Variants in DMRTC1B observed in about 807,000 individuals in gnomAD.
DMRTC1B encodes DMRT like family C1B.
intron 1 of DMRTC1B, among the ~76,000 whole-genome samples, chrX:72,840,380 CA>C (rs1209849921): frequency 4.7e-5 from 3 of 63,389 alleles, no homozygotes; most frequent in Admixed American, 4.4e-4. Flanking sequence ...GTACCATACA[CA>C]AAAAAATTAA....
chrX:72,807,469 A>G (rs1159823028), intron 1 of DMRTC1B: 1 of 444,333 alleles, frequency 2.3e-6, no homozygotes, highest in Non-Finnish European at 3.5e-6. Context: ...GGTGACCGGG[A>G]CACTGGGGCG....
chrX:72,807,263 G>A (rs2054661428), intron 1 of DMRTC1B, among the ~76,000 whole-genome samples: 1 of 85,697 alleles, frequency 1.2e-5, no homozygotes, highest in Admixed American at 1.2e-4. Flanking sequence ...ATCGCCACCA[G>A]GACCTAGTAA....
In DMRTC1B at chrX:72,820,531, T is replaced by TTTG. The variant is rs1556348285; in HGVS notation, c.-94-24509_-94-24508insGTT. 1.7e-4 allele frequency among the ~76,000 whole-genome samples: 18 copies of TTTG among 103,601 alleles called. No homozygotes were observed. The Admixed American group carries it at 1.8e-3, about 10-fold the overall frequency. The allele number at this position is 103,601 out of a possible 115,157, so 90.0% of individuals were successfully genotyped here. ...GAGATATTTCTTTTTTTTTTTTTTTTTTTTTTGAGACGGAGTCTCGCTGTC... is the reference window on the plus strand; with the variant it reads ...GAGATATTTCTTTTTTTTTTTTTTTTTTGTTTTTTGAGACGGAGTCTCGCTGTC... On this transcript the variant is annotated intron_variant, in intron 1 of 6. Coordinates refer to ENST00000334036, the MANE Select transcript of DMRTC1B (RefSeq NM_001386972.1).
intron 1 of DMRTC1B, among the ~76,000 whole-genome samples, chrX:72,794,415 C>G (rs2054624054): frequency 9.0e-6 from 1 of 110,852 alleles, no homozygotes; most frequent in Non-Finnish European, 1.9e-5. Flanking sequence ...TTAATAAATG[C>G]TCATTGAGTT....
At chrX:72,820,676 G>A (rs1346363046) in intron 1 of DMRTC1B, among the ~76,000 whole-genome samples, 1 of 74,441 alleles carries the variant, frequency 1.3e-5, no homozygotes, top group Admixed American at 1.6e-4. Context: ...CCGCCACCTC[G>A]CCCGGCTAAT....
chrX:72,832,638 TG>T (rs1434241534), intron 1 of DMRTC1B, among the ~76,000 whole-genome samples: 1 of 87,502 alleles, frequency 1.1e-5, no homozygotes, highest in African/African-American at 4.4e-5. Context: ...TCTGTGGTGG[TG>T]GGGGTTGGGG....
At chrX:72,820,630 T>C (rs2054692140) in intron 1 of DMRTC1B, among the ~76,000 whole-genome samples, 1 of 87,682 alleles carries the variant, frequency 1.1e-5, no homozygotes, top group Non-Finnish European at 2.2e-5. Flanking sequence ...GCCATTCTCC[T>C]GCCTCAGCCT....
chrX:72,820,544 G>A (rs2054690712), intron 1 of DMRTC1B, among the ~76,000 whole-genome samples: 1 of 105,161 alleles, frequency 9.5e-6, no homozygotes, highest in Non-Finnish European at 1.9e-5. Flanking sequence ...TTTTGAGACG[G>A]AGTCTCGCTG....
Sources: gnomAD v4.1 joint callset for allele counts (sites outside exome capture counted in the v4.1 genomes callset) on GRCh38, gnomAD v4.1.1 for gene constraint, MANE v1.5 for transcripts, NCBI Gene and HGNC (gene_info 2026-07-23, HGNC 2026-07-21) for gene names.